The following GNG4 variants were observed in gnomAD, a reference collection of about 807,000 sequenced individuals.
GNG4 encodes guanine nucleotide-binding protein G(I)/G(S)/G(O) subunit gamma-4.
A neutral mutation model predicts 5.8 loss-of-function variants in GNG4; 4 were observed. The observed-to-expected ratio is 0.69, with a 90% CI of 0.34 to 1.57. GNG4 has a LOEUF of 1.57. Among genes scored for constraint, GNG4 ranks in the 40% most tolerant of loss-of-function variants. The probability of loss-of-function intolerance (pLI) is 0.06; values close to 1 mark genes in which losing one functional copy is unlikely to be tolerated. For missense variants in GNG4, 96 were observed against 95.1 expected (o/e 1.01, Z -0.04); for synonymous variants, 29 against 32.9 (o/e 0.88, Z 0.41).
At chr1:235,633,248 A>G (rs1386526088) in intron 1 of GNG4, among the ~76,000 whole-genome samples, 1 of 152,158 alleles carries the variant, frequency 6.6e-6, no homozygotes, top group East Asian at 1.9e-4. Flanking sequence ...TGAGCAGCAG[A>G]GCTGGTGGTA....
At chr1:235,632,981 T>C (rs114737673) in intron 1 of GNG4, among the ~76,000 whole-genome samples, 53 of 152,292 alleles carry the variant, frequency 3.5e-4, no homozygotes, top group African/African-American at 1.3e-3. Flanking sequence ...ATCTGTTCCA[T>C]ACATTCAAAG....
chr1:235,612,884 C>T (rs966374978), intron 1 of GNG4, among the ~76,000 whole-genome samples: 4 of 152,114 alleles, frequency 2.6e-5, no homozygotes, highest in Admixed American at 1.3e-4. Flanking sequence ...AATTCAGGCT[C>T]AGGGTGCCAG....
intron 3 of GNG4, among the ~76,000 whole-genome samples, chr1:235,575,637 C>T (rs1687465607): frequency 6.6e-6 from 1 of 152,250 alleles, no homozygotes; most frequent in Admixed American, 6.5e-5. Context: ...TGAGACTGGG[C>T]AGAATGTTCC....
chr1:235,614,410 T>C (rs1389909556), intron 1 of GNG4, among the ~76,000 whole-genome samples: 2 of 152,228 alleles, frequency 1.3e-5, no homozygotes, highest in African/African-American at 4.8e-5. Flanking sequence ...TATTATTCTA[T>C]ATTATTTCCT....
chr1:235,577,294 T>G (rs1226730475), intron 3 of GNG4, among the ~76,000 whole-genome samples: 1 of 152,032 alleles, frequency 6.6e-6, no homozygotes, highest in African/African-American at 2.4e-5. Context: ...GGCCTGGGAG[T>G]TGCCACGATT....
rs1189173820 is a variant in GNG4, at chr1:235,624,690, C to T, written c.-123+24972G>A. 3.9e-5 allele frequency among the ~76,000 whole-genome samples: 6 copies of T among 152,120 alleles called. No individual in the cohort carries two copies. In the East Asian group the frequency reaches 1.2e-3, roughly 29 times the overall value. ...TCCAGAGTATCAAGGTTTTGCTTAA[C>T]ATTGTGTGCAATTTTGCTTCTCATT... On this transcript the variant is annotated intron_variant, in intron 1 of 3. Transcript: ENST00000391854.
At chr1:235,606,519 AG>A (rs539844451) in intron 1 of GNG4, among the ~76,000 whole-genome samples, 55 of 151,972 alleles carry the variant, frequency 3.6e-4, no homozygotes, top group South Asian at 2.1e-3. Context: ...GATGCTGGGG[AG>A]GGGGGAAAGG....
chr1:235,562,686 G>GAAAAAAAAAAAAAAAAAAAA (rs1687099445), intron 3 of GNG4, among the ~76,000 whole-genome samples: 1 of 126,000 alleles, frequency 7.9e-6, no homozygotes, highest in Non-Finnish European at 1.8e-5. Context: ...AAAAAAAAAA[G>GAAAAAAAAAAAAAAAAAAAA]AAGAAAATTT....
chr1:235,633,760 A>AT (rs1688978304), intron 1 of GNG4, among the ~76,000 whole-genome samples: 2 of 152,188 alleles, frequency 1.3e-5, no homozygotes, highest in African/African-American at 4.8e-5. Context: ...AAGTGCTGGG[A>AT]TTATAGGCAT....
At chr1:235,595,678 C>T (rs1457714060) in intron 1 of GNG4, among the ~76,000 whole-genome samples, 167 bp from the exon 2 acceptor site, 1 of 152,146 alleles carries the variant, frequency 6.6e-6, no homozygotes, top group Non-Finnish European at 1.5e-5. Flanking sequence ...GAGCTCGAGG[C>T]AGACAGAGAA....
In GNG4 at chr1:235,583,756, C is replaced by G; in HGVS notation, c.83G>C (p.Cys28Ser). ...CATGCTTACCTTGACCCTGTCCATA[C>G]AGGCTTCCATCTTTAGCTGCTCCAC... ...KAVEQLKMEA[C>S]MDRVKVSQAA... is the part of the protein sequence containing the mutation. Residue 28 changes from cysteine to serine, a missense_variant, in exon 3 of 4, where the codon TGT becomes TCT. Physicochemically the swap from Cys to Ser is moderately radical, Grantham distance 112. Transcript: ENST00000391854. The G allele has an allele frequency of 6.2e-7, 1 of 1,612,118 alleles. No individual in the cohort carries two copies. Among genetic ancestry groups the G allele is most frequent in the Non-Finnish European group, 8.5e-7 (1 of 1,178,174 alleles).
In GNG4 at chr1:235,557,252, T is replaced by C. The variant is rs144785796; in HGVS notation, c.100-5015A>G. ...CAGCAGCTGCTTTGTTAATTGACAA[T>C]GAGACCCGTAATTCTCAAGTGGCCT... is the stretch of plus-strand genomic sequence containing the variant. On this transcript the variant is annotated intron_variant, in intron 3 of 3. Transcript: ENST00000391854. 7.2e-5 allele frequency among the ~76,000 whole-genome samples: 11 copies of C among 152,194 alleles called. No individual in the cohort carries two copies. The East Asian group carries it at 1.7e-3, about 24-fold the overall frequency.
At chr1:235,580,189 C>T (rs984189160) in intron 3 of GNG4, among the ~76,000 whole-genome samples, 3 of 152,144 alleles carry the variant, frequency 2.0e-5, no homozygotes, top group Non-Finnish European at 2.9e-5. Context: ...TATGATCCCA[C>T]TTATATGAGA....
intron 1 of GNG4, among the ~76,000 whole-genome samples, chr1:235,597,158 G>C (rs559245093): frequency 6.6e-6 from 1 of 152,208 alleles, no homozygotes; most frequent in Non-Finnish European, 1.5e-5. Flanking sequence ...CTGGGGTAAT[G>C]AGTTCATTCC....
intron 3 of GNG4, among the ~76,000 whole-genome samples, chr1:235,558,321 G>A (rs1686971248): frequency 6.6e-6 from 1 of 152,188 alleles, no homozygotes; most frequent in African/African-American, 2.4e-5. Context: ...ATAGTCAAGG[G>A]AGTTTTCCAC....
rs1284713499 is a variant in GNG4 at position 235,644,233 on chromosome 1, G to A, written c.-123+5429C>T. Among the ~76,000 whole-genome samples, 1 of 152,188 alleles carries A rather than the reference G, an allele frequency of 6.6e-6. No homozygotes were observed. The highest frequency in any genetic ancestry group is 1.5e-5 in the Non-Finnish European group (1 of 68,034). On this transcript the variant is annotated intron_variant, in intron 1 of 3. Transcript: ENST00000391854. This position sits in a 1 kb window ranked among gnomAD's most constrained non-coding sequence, Gnocchi z 5.9. ...AGATAAAATTCAGCCACAGCGGGAG[G>A]GAGCGTGTGAGACCCACGAAGGCCT...
chr1:235,587,510 TGAG>T (rs1322174127), intron 2 of GNG4, among the ~76,000 whole-genome samples: 13 of 13,336 alleles, frequency 9.7e-4, no homozygotes, highest in South Asian at 3.4e-3. Context: ...TGTGTGAATG[TGAG>T]GTGGGTGTGT....
At chr1:235,577,787 G>A (rs1189049718) in intron 3 of GNG4, among the ~76,000 whole-genome samples, 2 of 152,094 alleles carry the variant, frequency 1.3e-5, no homozygotes, top group Non-Finnish European at 2.9e-5. Flanking sequence ...TGGTGTGTGC[G>A]AGTTCAGTGG....
chr1:235,552,012 A>T lies in GNG4; in HGVS notation c.*97T>A. ...CCCGGCCACTGTTGGCTGGGCAGGG[A>T]TGGGTGTTGGTCTCACTCCCTAAGG... On this transcript the variant is annotated 3_prime_UTR_variant, in exon 4 of 4. Coordinates refer to ENST00000391854, the MANE Select transcript of GNG4 (RefSeq NM_001098722.2). 1.0e-6 allele frequency: 1 copy of T among 998,566 alleles called. No individual in the cohort carries two copies. The highest frequency in any genetic ancestry group is 1.5e-6 in the Non-Finnish European group (1 of 649,668). The allele number at this position is 998,566 out of a possible 1,614,324, so 61.9% of individuals were successfully genotyped here.
Sources: allele counts gnomAD v4.1 joint callset (sites outside exome capture counted in the v4.1 genomes callset), GRCh38; gene constraint gnomAD v4.1.1; non-coding constraint Gnocchi (gnomAD v3.1); transcripts MANE v1.5; gene names NCBI Gene and HGNC (gene_info 2026-07-23, HGNC 2026-07-21).